TTC17: variants seen among roughly 807,000 people sequenced by gnomAD.
The protein encoded by TTC17 is tetratricopeptide repeat domain 17.
In TTC17, 58 loss-of-function variants were observed where a neutral mutation model predicts 143.8. The observed-to-expected ratio is 0.40, with a 90% CI of 0.33 to 0.50. The LOEUF (loss-of-function observed/expected upper bound fraction) is 0.50. Ranked by LOEUF, TTC17 falls within the 20% of genes least tolerant of loss-of-function variation. TTC17 has a pLI of 0.49. For missense variants in TTC17, 1,273 were observed against 1,392.5 expected, an observed-to-expected ratio of 0.91 and a Z score of 1.37; for synonymous variants, 501 against 497.8, an observed-to-expected ratio of 1.01 and a Z score of -0.09.
At chr11:43,397,552 T>TC in intron 7 of TTC17, 61 bp downstream of exon 7, 3 of 1,442,198 alleles carry the variant, frequency 2.1e-6, no homozygotes, top group Non-Finnish European at 2.8e-6. Context: ...TTTTTTTTTT[T>TC]TCTCCCCCCT....
chr11:43,380,974 AT>A (rs1205735603), intron 2 of TTC17, among the ~76,000 whole-genome samples: 8 of 151,520 alleles, frequency 5.3e-5, no homozygotes, highest in South Asian at 4.2e-4. Flanking sequence ...GCAGAAAAAA[AT>A]TTTTTTTTCA....
At chr11:43,423,768 C>A (rs887892598) in intron 16 of TTC17, among the ~76,000 whole-genome samples, 20 of 152,136 alleles carry the variant, frequency 1.3e-4, no homozygotes, top group Admixed American at 5.9e-4. Context: ...AGTAATGATA[C>A]TGCTAGCTAT....
chr11:43,383,178 T>C (rs188182987), intron 2 of TTC17, among the ~76,000 whole-genome samples: 94 of 152,056 alleles, frequency 6.2e-4, no homozygotes, highest in African/African-American at 2.1e-3. Context: ...ATTATAGGCA[T>C]GAGCCACCAT....
intron 21 of TTC17, among the ~76,000 whole-genome samples, chr11:43,482,214 T>G (rs1037000663): frequency 3.3e-5 from 5 of 151,738 alleles, no homozygotes; most frequent in African/African-American, 1.2e-4. Context: ...TGTCTTCCGC[T>G]TGCTTAGGAT....
At chr11:43,367,094 T>C (rs1280062853) in intron 1 of TTC17, among the ~76,000 whole-genome samples, 4 of 152,206 alleles carry the variant, frequency 2.6e-5, no homozygotes, top group Non-Finnish European at 5.9e-5. Flanking sequence ...TAGACATTTC[T>C]CAATGAATCC....
chr11:43,392,131 C>G (rs1857414218), intron 5 of TTC17, among the ~76,000 whole-genome samples, 179 bp downstream of exon 5: 1 of 152,202 alleles, frequency 6.6e-6, no homozygotes, highest in African/African-American at 2.4e-5. Context: ...TATGGATAGA[C>G]TAGTCTCCTT....
chr11:43,439,937 C>T (rs2134716180), intron 16 of TTC17, among the ~76,000 whole-genome samples: 1 of 152,308 alleles, frequency 6.6e-6, no homozygotes, highest in Admixed American at 6.5e-5. Context: ...TTCTCTCCAA[C>T]TTCACAATAT....
chr11:43,427,512 C>G (rs1427753976), intron 16 of TTC17, among the ~76,000 whole-genome samples: 1 of 152,192 alleles, frequency 6.6e-6, no homozygotes, highest in Non-Finnish European at 1.5e-5. Flanking sequence ...ATACATCCTG[C>G]TTTGCTAGTT....
At chr11:43,472,359 A>C (rs189692855) in intron 21 of TTC17, among the ~76,000 whole-genome samples, 5 of 152,222 alleles carry the variant, frequency 3.3e-5, no homozygotes, top group Non-Finnish European at 7.3e-5. Context: ...GAAAAAAGAT[A>C]TATCATGCAA....
At chr11:43,446,238 C>G in intron 18 of TTC17, 1 of 1,167,280 alleles carries the variant, frequency 8.6e-7, no homozygotes, top group Non-Finnish European at 1.1e-6. Flanking sequence ...TGCCCTCTGC[C>G]GTGCTAAAAT....
chr11:43,446,573 GTTA>G (rs1264194567), intron 18 of TTC17: 2 of 745,368 alleles, frequency 2.7e-6, no homozygotes, highest in East Asian at 1.3e-4. Context: ...GCTTATTTAA[GTTA>G]TTAATTTAAA....
intron 16 of TTC17, among the ~76,000 whole-genome samples, chr11:43,435,860 A>C (rs892939091): frequency 6.6e-6 from 1 of 152,214 alleles, no homozygotes; most frequent in Non-Finnish European, 1.5e-5. Flanking sequence ...AACTTCAAGA[A>C]AATATTTCAT....
chr11:43,397,633 A>G (rs1590353604), intron 7 of TTC17, 142 bp downstream of exon 7: 3 of 976,638 alleles, frequency 3.1e-6, no homozygotes, highest in Non-Finnish European at 4.4e-6. Context: ...AGGAAGAAAA[A>G]TCCTCAACAC....
intron 16 of TTC17, among the ~76,000 whole-genome samples, chr11:43,427,951 CTT>C (rs1239911931): frequency 3.9e-5 from 6 of 152,254 alleles, no homozygotes; most frequent in African/African-American, 1.2e-4. Flanking sequence ...GAGTAATTAA[CTT>C]GTATCCACCC....
At chr11:43,386,236 A>G (rs1857164948) in intron 2 of TTC17, among the ~76,000 whole-genome samples, 1 of 152,206 alleles carries the variant, frequency 6.6e-6, no homozygotes, top group Non-Finnish European at 1.5e-5. Context: ...TTTACTAAAA[A>G]AAAATATTGA....
chr11:43,493,685 A>C lies in TTC17; in HGVS notation c.3295-88A>C. ...AATGCTGCGGGATTGTCCCTAGTAC[A>C]GAGGTGCTTCTTGAGAAAAAAGAGG... On this transcript the variant is annotated intron_variant, in intron 23 of 23. Transcript: ENST00000039989. 1.9e-6 allele frequency: 3 copies of C among 1,590,350 alleles called. No homozygotes were observed. In the South Asian group the frequency reaches 3.3e-5, roughly 18 times the overall value.
chr11:43,424,290 C>T (rs181269135), intron 16 of TTC17, among the ~76,000 whole-genome samples: 2,516 of 150,394 alleles, frequency 0.017, 38 homozygotes, highest in South Asian at 0.045. Flanking sequence ...GACGGGGTTT[C>T]GCCATGATGG....
intron 5 of TTC17, among the ~76,000 whole-genome samples, chr11:43,392,400 G>A (rs759349345): frequency 2.9e-4 from 44 of 152,206 alleles, no homozygotes; most frequent in Non-Finnish European, 6.0e-4. Flanking sequence ...ATGAAATAGG[G>A]AATTATGTAA....
Position 43,435,009 on chromosome 11 carries a change from A to G in TTC17, c.2252-8316A>G, listed in dbSNP as rs184841697. On this transcript the variant is annotated intron_variant, in intron 16 of 23. Coordinates refer to ENST00000039989, the MANE Select transcript of TTC17 (RefSeq NM_018259.6). ...CTGAAAGAGAGCCATCAGTCAAGAAAGAGACATCTTGTGTTTCCACTCATG... is the reference window on the plus strand; with the variant it reads ...CTGAAAGAGAGCCATCAGTCAAGAAGGAGACATCTTGTGTTTCCACTCATG... 8 of 152,004 alleles carry G rather than the reference A, an allele frequency of 5.3e-5. No individual in the cohort carries two copies. The East Asian group carries it at 1.5e-3, about 29-fold the overall frequency. The allele number at this position is 152,004 out of a possible 1,614,324, so 9.4% of individuals were successfully genotyped here.
Sources: allele counts gnomAD v4.1 joint callset (sites outside exome capture counted in the v4.1 genomes callset), GRCh38; gene constraint gnomAD v4.1.1; transcripts MANE v1.5; gene names NCBI Gene and HGNC (gene_info 2026-07-23, HGNC 2026-07-21).